ZEB1: variants seen among roughly 807,000 people sequenced by gnomAD.
The protein encoded by ZEB1 is zinc finger E-box-binding homeobox 1.
Under a neutral mutation model 84.9 loss-of-function variants are expected in ZEB1, and 21 were observed. That is an observed-to-expected ratio of 0.25 (90% CI 0.18 to 0.36). The LOEUF is 0.36. Among genes scored for constraint, ZEB1 ranks in the 10% least tolerant of loss-of-function variants. The probability of loss-of-function intolerance (pLI) is 1.00; values close to 1 mark genes in which losing one functional copy is unlikely to be tolerated. For synonymous variants in ZEB1, 420 were observed against 471.1 expected (o/e 0.89, Z 1.41); for missense variants, 1,104 against 1,330.2 (o/e 0.83, Z 2.65).
intron 1 of ZEB1, among the ~76,000 whole-genome samples, chr10:31,350,308 A>G (rs1318836067): frequency 6.6e-6 from 1 of 152,172 alleles, no homozygotes; most frequent in African/African-American, 2.4e-5. Context: ...ATTCTGCATT[A>G]TCTTTGATAT....
chr10:31,472,573 A>T lies in ZEB1; in HGVS notation c.259+11336A>T, dbSNP rs1201176039. On this transcript the variant is annotated intron_variant, in intron 2 of 8. Coordinates refer to ENST00000424869, the MANE Select transcript of ZEB1 (RefSeq NM_001174096.2). ...AAATTGTGGCAATAATCAATAGTTT[A>T]CCAACCAAAAAGAGTCCAGGACCAG... Among the ~76,000 whole-genome samples the T allele has an allele frequency of 2.2e-5, 3 of 137,352 alleles. No individual in the cohort carries two copies. In the East Asian group the frequency reaches 6.5e-4, roughly 30 times the overall value. The allele number at this position is 137,352 out of a possible 152,430, so 90.1% of individuals were successfully genotyped here. A position where few individuals can be genotyped will look rare whatever the true frequency, so the allele number is the denominator to read the frequency against.
chr10:31,347,299 T>A (rs1297540150), intron 1 of ZEB1, among the ~76,000 whole-genome samples: 1 of 152,254 alleles, frequency 6.6e-6, no homozygotes, highest in Non-Finnish European at 1.5e-5. Context: ...TCAGTCTTAA[T>A]GTGATAGACT....
In ZEB1 at chr10:31,527,412, A is replaced by AAC. The variant is rs3086583; in HGVS notation, c.*188_*189dup. 94,346 of 511,914 alleles carry AAC rather than the reference A, an allele frequency of 0.18. 4,681 individuals are homozygous for AAC. Among genetic ancestry groups the AAC allele is most frequent in the East Asian group, 0.21 (5,358 of 24,930 alleles). The allele number at this position is 511,914 out of a possible 1,614,324, so 31.7% of individuals were successfully genotyped here. On this transcript the variant is annotated 3_prime_UTR_variant, in exon 9 of 9. Transcript: ENST00000424869. Reference sequence around the variant, plus strand: ...AAAACTAAAAAAATACAAAATACAAAACACACACACACACACACACACACA... The same window carrying AAC: ...AAAACTAAAAAAATACAAAATACAAAACACACACACACACACACACACACACA...
chr10:31,518,914 C>A (rs2071716455), intron 6 of ZEB1, among the ~76,000 whole-genome samples: 2 of 152,130 alleles, frequency 1.3e-5, no homozygotes, highest in Non-Finnish European at 2.9e-5. Context: ...ATATAACTCA[C>A]ATGTTTAAAC....
chr10:31,512,257 G>A (rs2070214723), intron 5 of ZEB1, among the ~76,000 whole-genome samples: 1 of 152,180 alleles, frequency 6.6e-6, no homozygotes. Flanking sequence ...GGGCCATCGT[G>A]AAAGGAGAGG....
In ZEB1 at chr10:31,495,846, G is replaced by C; in HGVS notation, c.322+8G>C. 6.2e-7 allele frequency: 1 copy of C among 1,612,800 alleles called. No individual in the cohort carries two copies. Among genetic ancestry groups the C allele is most frequent in the Non-Finnish European group, 8.5e-7 (1 of 1,179,026 alleles). The stretch of plus-strand genomic sequence containing the variant: ...ATGAAGCAGGATGTACAGGTACTCT[G>C]CTGCGACTTTCTTTCATACCATAGC... On this transcript the variant is annotated splice_region_variant and intron_variant, in intron 3 of 8. Transcript: ENST00000424869.
At chr10:31,523,515 A>G (rs1176644492) in intron 7 of ZEB1, among the ~76,000 whole-genome samples, 1 of 152,262 alleles carries the variant, frequency 6.6e-6, no homozygotes, top group African/African-American at 2.4e-5. Context: ...GAGAAAAATG[A>G]AGGCAAAAGA....
In ZEB1 at chr10:31,361,050, A is replaced by G. The variant is rs574452142; in HGVS notation, c.58+41758A>G. The G allele has an allele frequency of 5.4e-5, 87 of 1,611,018 alleles. No homozygotes were observed. The South Asian group carries it at 9.0e-4, about 17-fold the overall frequency. ...ATCTTATTTTGGAAGGGATTCTGAT[A>G]CTCTGGATAATCAGACTTCTTTTCT... On this transcript the variant is annotated intron_variant, in intron 1 of 8. Coordinates refer to ENST00000424869, the MANE Select transcript of ZEB1 (RefSeq NM_001174096.2).
intron 2 of ZEB1, among the ~76,000 whole-genome samples, chr10:31,468,558 T>A (rs2062735938): frequency 1.3e-5 from 2 of 152,094 alleles, no homozygotes; most frequent in South Asian, 4.2e-4. Context: ...GACCTCCAAC[T>A]TTGCATCTCT....
At chr10:31,401,196 C>A (rs192508987) in intron 1 of ZEB1, among the ~76,000 whole-genome samples, 2 of 152,094 alleles carry the variant, frequency 1.3e-5, no homozygotes, top group African/African-American at 4.8e-5. Flanking sequence ...GGAGTACAGC[C>A]CACAATAATT....
At chr10:31,502,119 A>T (rs4747751) in intron 3 of ZEB1, among the ~76,000 whole-genome samples, 6 of 152,324 alleles carry the variant, frequency 3.9e-5, no homozygotes, top group Admixed American at 3.9e-4. Flanking sequence ...TTTGAAAGGG[A>T]TACTGTGAGA....
In ZEB1 at chr10:31,528,928, A is replaced by C. The variant is rs1197529099; in HGVS notation, c.*1664A>C. The C allele has an allele frequency of 6.6e-6, 1 of 152,178 alleles. No homozygotes were observed. Among genetic ancestry groups the C allele is most frequent in the Non-Finnish European group, 1.5e-5 (1 of 68,022 alleles). 9.4% of individuals were successfully genotyped at this position (152,178 alleles called of 1,614,324 possible). A position where few individuals can be genotyped will look rare whatever the true frequency, so the allele number is the denominator to read the frequency against. On this transcript the variant is annotated 3_prime_UTR_variant, in exon 9 of 9. Coordinates refer to ENST00000424869, the MANE Select transcript of ZEB1 (RefSeq NM_001174096.2). ...TTTAATATAAAACTTAAATTTTGAAATTCACTGTGTGACTAATAGCATGAT... is the reference window on the plus strand; with the variant it reads ...TTTAATATAAAACTTAAATTTTGAACTTCACTGTGTGACTAATAGCATGAT...
chr10:31,443,736 A>C (rs1476848845), intron 1 of ZEB1, among the ~76,000 whole-genome samples: 1 of 150,262 alleles, frequency 6.7e-6, no homozygotes, highest in Non-Finnish European at 1.5e-5. Flanking sequence ...TACAAAGGAC[A>C]TGAACTCATC....
At chr10:31,371,616 A>T (rs1481652661) in intron 1 of ZEB1, among the ~76,000 whole-genome samples, 1 of 152,132 alleles carries the variant, frequency 6.6e-6, no homozygotes, top group African/African-American at 2.4e-5. Flanking sequence ...TCTCTTGGAA[A>T]TCTATCCATT....
intron 8 of ZEB1, among the ~76,000 whole-genome samples, chr10:31,525,982 G>A (rs1004307545): frequency 6.6e-6 from 1 of 152,172 alleles, no homozygotes; most frequent in Admixed American, 6.5e-5. Flanking sequence ...TGATAGCTCT[G>A]AAATTGGACA....
At chr10:31,402,131 T>C (rs2052158905) in intron 1 of ZEB1, among the ~76,000 whole-genome samples, 1 of 151,960 alleles carries the variant, frequency 6.6e-6, no homozygotes. Context: ...GTTGTTGTTG[T>C]TGTTGTTAAC....
At chr10:31,439,299 A>G (rs1275954597) in intron 1 of ZEB1, among the ~76,000 whole-genome samples, 1 of 152,260 alleles carries the variant, frequency 6.6e-6, no homozygotes, top group African/African-American at 2.4e-5. Context: ...TCAGATAAAC[A>G]TATGTATGCA....
chr10:31,346,369 T>TA (rs2040313646), intron 1 of ZEB1, among the ~76,000 whole-genome samples: 1 of 152,176 alleles, frequency 6.6e-6, no homozygotes, highest in Non-Finnish European at 1.5e-5. Context: ...GAGTTGTTGA[T>TA]ACGTGGAAAC....
chr10:31,385,199 A>G (rs913348034), intron 1 of ZEB1, among the ~76,000 whole-genome samples: 1 of 152,198 alleles, frequency 6.6e-6, no homozygotes, highest in African/African-American at 2.4e-5. Context: ...GCATTATTTT[A>G]GTGATGAAGG....
Sources: allele counts gnomAD v4.1 joint callset (sites outside exome capture counted in the v4.1 genomes callset), GRCh38; gene constraint gnomAD v4.1.1; transcripts MANE v1.5; gene names NCBI Gene and HGNC (gene_info 2026-07-23, HGNC 2026-07-21).